KLHL29: variants seen among roughly 807,000 people sequenced by gnomAD.
The protein encoded by KLHL29 is kelch like family member 29, also known as kelch-like protein 29.
KLHL29 carries 21 observed loss-of-function variants against 80.4 expected under a neutral mutation model. The ratio of observed to expected loss-of-function variants is 0.26; its 90% confidence interval spans 0.19 to 0.38. The LOEUF is 0.38. Ranked by LOEUF, KLHL29 falls within the 10% of genes least tolerant of loss-of-function variation. The pLI is 1.00. For synonymous variants in KLHL29, 511 were observed against 526.8 expected (o/e 0.97, Z 0.41); for missense variants, 867 against 1,223.9 (o/e 0.71, Z 4.35).
rs76183886 is a variant in KLHL29 at position 23,596,378 on chromosome 2, G to A, written c.285+33897G>A. Among the ~76,000 whole-genome samples the A allele has an allele frequency of 1.5e-3, 223 of 152,228 alleles. No individual in the cohort carries two copies. Among genetic ancestry groups the A allele is most frequent in the Middle Eastern group, 3.4e-3 (1 of 294 alleles). On this transcript the variant is annotated intron_variant, in intron 3 of 13. Coordinates refer to ENST00000486442, the MANE Select transcript of KLHL29 (RefSeq NM_052920.2). This position sits in a 1 kb window ranked among gnomAD's most constrained non-coding sequence, Gnocchi z 4.4. ...CACGCCCCTATGAGTCTCTGTCTCC[G>A]AGCAGAGGTCTTGGTGTCCTGGTGG... is the stretch of plus-strand genomic sequence containing the variant.
intron 1 of KLHL29, among the ~76,000 whole-genome samples, chr2:23,400,682 A>T (rs1397279883): frequency 3.3e-5 from 5 of 152,126 alleles, no homozygotes; most frequent in Admixed American, 2.0e-4. Flanking sequence ...AAAAAAAAAA[A>T]ATGTTAAATT....
At chr2:23,496,852 A>AGAGG (rs1665280529) in intron 2 of KLHL29, among the ~76,000 whole-genome samples, 1 of 152,206 alleles carries the variant, frequency 6.6e-6, no homozygotes, top group Non-Finnish European at 1.5e-5. Context: ...TCTCTCACAT[A>AGAGG]CCTGGAAGGC....
rs1346599914 is a variant in KLHL29 at position 23,669,161 on chromosome 2, GTC to G, written c.941-15232_941-15231del. 1 of 152,370 alleles carries G rather than the reference GTC, an allele frequency of 6.6e-6. No individual in the cohort carries two copies. Among genetic ancestry groups the G allele is most frequent in the East Asian group, 1.9e-4 (1 of 5,194 alleles). 9.4% of individuals were successfully genotyped at this position (152,370 alleles called of 1,614,324 possible). On this transcript the variant is annotated intron_variant, in intron 5 of 13. Transcript: ENST00000486442. The surrounding 1 kb of genome is among the most constrained non-coding windows in gnomAD (Gnocchi z 4.3). ...CTCAGTGCCCCCAGGCCAGGAAGGC[GTC>G]TCTCTTCCCATTTGGTCAGGGTCAT...
intron 2 of KLHL29, among the ~76,000 whole-genome samples, chr2:23,551,785 A>G (rs1667136597): frequency 6.6e-6 from 1 of 152,144 alleles, no homozygotes; most frequent in Admixed American, 6.5e-5. Context: ...CCCACCCCTC[A>G]TCTTGTTAAA....
intron 3 of KLHL29, among the ~76,000 whole-genome samples, chr2:23,593,849 C>T (rs2103517945): frequency 6.6e-6 from 1 of 152,336 alleles, no homozygotes; most frequent in South Asian, 2.1e-4. Flanking sequence ...AGGGCCAGGG[C>T]ACCCTGTGGC....
chr2:23,405,758 T>G (rs1666711244), intron 1 of KLHL29, among the ~76,000 whole-genome samples: 1 of 152,160 alleles, frequency 6.6e-6, no homozygotes, highest in African/African-American at 2.4e-5. Context: ...AATGCCGTTG[T>G]GAGAGTTTCT....
chr2:23,653,442 G>A (rs1264496502), intron 5 of KLHL29, among the ~76,000 whole-genome samples: 1 of 152,220 alleles, frequency 6.6e-6, no homozygotes, highest in African/African-American at 2.4e-5. Flanking sequence ...GCCTCTCCAA[G>A]CTTGCCCATG....
intron 2 of KLHL29, among the ~76,000 whole-genome samples, chr2:23,491,086 C>T (rs1201028814): frequency 2.0e-5 from 3 of 152,108 alleles, no homozygotes; most frequent in Non-Finnish European, 2.9e-5. Flanking sequence ...GCCCTGCATG[C>T]GTTAGGTATA....
chr2:23,419,229 A>C (rs1426740226), intron 1 of KLHL29, among the ~76,000 whole-genome samples: 1 of 152,268 alleles, frequency 6.6e-6, no homozygotes, highest in Non-Finnish European at 1.5e-5. Flanking sequence ...TGAACTCTGC[A>C]GACACTGGCC....
chr2:23,474,417 A>G (rs373569632), intron 1 of KLHL29, among the ~76,000 whole-genome samples: 68 of 152,360 alleles, frequency 4.5e-4, no homozygotes, highest in African/African-American at 1.6e-3. Context: ...CAAAGTGATC[A>G]GTTTCTCCTT....
rs1173040020 is a variant in KLHL29, at chr2:23,706,263, G to A, written c.2445-218G>A. ...GGGCAGGGAGGGAGCGCCTTCTGCC[G>A]CTCGCAGGGTGGCATAGCACGGCTT... is the stretch of plus-strand genomic sequence containing the variant. On this transcript the variant is annotated intron_variant, in intron 13 of 13. Coordinates refer to ENST00000486442, the MANE Select transcript of KLHL29 (RefSeq NM_052920.2). Among the ~76,000 whole-genome samples the A allele has an allele frequency of 3.3e-5, 5 of 152,334 alleles. No individual in the cohort carries two copies. The East Asian group carries it at 7.7e-4, about 24-fold the overall frequency.
chr2:23,686,495 C>T (rs1270696247), intron 6 of KLHL29, among the ~76,000 whole-genome samples: 1 of 152,086 alleles, frequency 6.6e-6, no homozygotes, highest in African/African-American at 2.4e-5. Context: ...GGTCTCCTTG[C>T]AGCTCTGACA....
intron 3 of KLHL29, chr2:23,618,089 A>G (rs1572442264): frequency 1.3e-5 from 2 of 152,166 alleles, no homozygotes; most frequent in Non-Finnish European, 2.9e-5. Flanking sequence ...GGATTTATTT[A>G]TTGGGAAGGG....
At chr2:23,400,701 G>A (rs956631581) in intron 1 of KLHL29, among the ~76,000 whole-genome samples, 3 of 152,142 alleles carry the variant, frequency 2.0e-5, no homozygotes, top group Admixed American at 6.5e-5. Flanking sequence ...TTAGCCAGAT[G>A]TAGTGGTACA....
intron 1 of KLHL29, among the ~76,000 whole-genome samples, chr2:23,414,656 C>T (rs1666944035): frequency 6.6e-6 from 1 of 152,196 alleles, no homozygotes; most frequent in Non-Finnish European, 1.5e-5. Flanking sequence ...CAGGGAGTGA[C>T]CCATGATGGG....
At chr2:23,427,549 T>C (rs565682447) in intron 1 of KLHL29, among the ~76,000 whole-genome samples, 2 of 152,358 alleles carry the variant, frequency 1.3e-5, no homozygotes, top group East Asian at 3.9e-4. Context: ...TATGGCCTTC[T>C]GCTGTGGCAT....
intron 5 of KLHL29, among the ~76,000 whole-genome samples, chr2:23,677,439 G>C (rs1670954201): frequency 6.6e-6 from 1 of 152,244 alleles, no homozygotes; most frequent in Admixed American, 6.5e-5. Flanking sequence ...CAAGAAGTCA[G>C]AGTGTTTCAT....
chr2:23,403,726 A>AGAGAGAGTGT (rs534136885), intron 1 of KLHL29, among the ~76,000 whole-genome samples: 3 of 144,012 alleles, frequency 2.1e-5, no homozygotes, highest in Non-Finnish European at 1.5e-5. Flanking sequence ...AGAGAGAGAG[A>AGAGAGAGTGT]GTGTGTGTGT....
At chr2:23,633,756 CGTG>C (rs1163628325) in intron 3 of KLHL29, among the ~76,000 whole-genome samples, 2,418 of 147,202 alleles carry the variant, frequency 0.016, 58 homozygotes, top group African/African-American at 0.053. Context: ...TCACAGCACT[CGTG>C]TGTGTGTGTG....
Sources: gnomAD v4.1 joint callset for allele counts (sites outside exome capture counted in the v4.1 genomes callset) on GRCh38, gnomAD v4.1.1 for gene constraint, Gnocchi (gnomAD v3.1) non-coding constraint, MANE v1.5 for transcripts, NCBI Gene and HGNC (gene_info 2026-07-23, HGNC 2026-07-21) for gene names.